GALNTL6: variants seen among roughly 807,000 people sequenced by gnomAD.
GALNTL6 encodes the protein polypeptide N-acetylgalactosaminyltransferase like 6.
Under a neutral mutation model 73.7 loss-of-function variants are expected in GALNTL6, and 46 were observed. The observed-to-expected ratio is 0.62, with a 90% confidence interval of 0.49 to 0.80. The LOEUF (loss-of-function observed/expected upper bound fraction) is 0.80, where lower values mean the gene tolerates loss of function less well. GALNTL6 is among the 30% of genes least tolerant of loss of function. The pLI, the probability that GALNTL6 is intolerant of heterozygous loss-of-function variation, is 0.00. For synonymous variants in GALNTL6, 259 were observed against 263.7 expected, an observed-to-expected ratio of 0.98 and a Z score of 0.17; for missense variants, 604 against 755.0, an observed-to-expected ratio of 0.80 and a Z score of 2.34.
chr4:172,658,166 A>AAAAAAAAAAAAAAAG (rs1439296482), intron 5 of GALNTL6, among the ~76,000 whole-genome samples: 1 of 120,382 alleles, frequency 8.3e-6, no homozygotes, highest in Non-Finnish European at 1.7e-5. Flanking sequence ...AAAAAAAAAA[A>AAAAAAAAAAAAAAAG]AAAGAAATAT....
chr4:172,428,321 G>T (rs562659849), intron 5 of GALNTL6, among the ~76,000 whole-genome samples: 46 of 152,202 alleles, frequency 3.0e-4, no homozygotes, highest in Middle Eastern at 3.4e-3. Flanking sequence ...AATAAAATCA[G>T]TATATCTGAA....
intron 9 of GALNTL6, among the ~76,000 whole-genome samples, chr4:172,942,490 A>C (rs1460530222): frequency 2.0e-5 from 3 of 152,142 alleles, no homozygotes; most frequent in Non-Finnish European, 1.5e-5. Flanking sequence ...TCTAGAAATA[A>C]GGTCGTACTT....
At chr4:172,225,780 G>A (rs28434609) in intron 2 of GALNTL6, among the ~76,000 whole-genome samples, 2,182 of 151,706 alleles carry the variant, frequency 0.014, 54 homozygotes, top group African/African-American at 0.05. Flanking sequence ...AAATAAATAA[G>A]TAAATAAATG....
chr4:172,489,738 A>G (rs1001411442), intron 5 of GALNTL6, among the ~76,000 whole-genome samples: 1 of 152,236 alleles, frequency 6.6e-6, no homozygotes, highest in Non-Finnish European at 1.5e-5. Context: ...TTGCTATTCA[A>G]CCAGGAATAT....
At chr4:172,654,195 C>G (rs1730855217) in intron 5 of GALNTL6, among the ~76,000 whole-genome samples, 1 of 152,134 alleles carries the variant, frequency 6.6e-6, no homozygotes, top group Non-Finnish European at 1.5e-5. Flanking sequence ...AAATATGATT[C>G]AAATTTTTAA....
intron 10 of GALNTL6, among the ~76,000 whole-genome samples, chr4:172,958,018 G>A (rs1253194680): frequency 1.3e-5 from 2 of 152,150 alleles, no homozygotes; most frequent in Non-Finnish European, 2.9e-5. Flanking sequence ...TGTGGTATCA[G>A]GAATAATGTA....
At chr4:172,579,283 T>A (rs148255436) in intron 5 of GALNTL6, among the ~76,000 whole-genome samples, 35 of 152,326 alleles carry the variant, frequency 2.3e-4, no homozygotes, top group Non-Finnish European at 4.1e-4. Flanking sequence ...ATAATCAAAA[T>A]TTTTTCAACG....
At chr4:172,224,138 C>A (rs1736774839) in intron 2 of GALNTL6, among the ~76,000 whole-genome samples, 1 of 152,112 alleles carries the variant, frequency 6.6e-6, no homozygotes, top group African/African-American at 2.4e-5. Context: ...ATGATGAAAA[C>A]AATTGGCATT....
intron 5 of GALNTL6, among the ~76,000 whole-genome samples, chr4:172,694,368 C>A (rs1456086030): frequency 1.3e-5 from 2 of 152,076 alleles, no homozygotes; most frequent in East Asian, 3.9e-4. Context: ...TTGTTCAACT[C>A]CCACTTATGA....
chr4:172,380,128 T>G (rs1743226004), intron 5 of GALNTL6: 1 of 1,025,780 alleles, frequency 9.7e-7, no homozygotes, highest in Admixed American at 1.7e-5. Flanking sequence ...CATTTGCTAA[T>G]GGATCATCTG....
intron 8 of GALNTL6, among the ~76,000 whole-genome samples, chr4:172,897,984 A>G (rs561808020): frequency 1.2e-4 from 19 of 152,336 alleles, no homozygotes; most frequent in African/African-American, 3.8e-4. Context: ...CTACTGTTCC[A>G]CTAACAAGTG....
At chr4:171,950,384 C>T (rs186326231) in intron 2 of GALNTL6, among the ~76,000 whole-genome samples, 1 of 151,904 alleles carries the variant, frequency 6.6e-6, no homozygotes, top group Non-Finnish European at 1.5e-5. Flanking sequence ...AAAACATCAA[C>T]CTTATAAATC....
intron 3 of GALNTL6, among the ~76,000 whole-genome samples, chr4:172,268,196 A>C (rs548642962): frequency 2.6e-5 from 4 of 152,342 alleles, no homozygotes; most frequent in African/African-American, 9.6e-5. Flanking sequence ...AAATATATCA[A>C]ATCCTACATT....
At chr4:172,871,942 C>T (rs1317436910) in intron 7 of GALNTL6, among the ~76,000 whole-genome samples, 4 of 151,966 alleles carry the variant, frequency 2.6e-5, no homozygotes, top group African/African-American at 4.8e-5. Flanking sequence ...TACAGGCATG[C>T]GCCACCATGC....
At chr4:172,021,068 G>T (rs1215420252) in intron 2 of GALNTL6, among the ~76,000 whole-genome samples, 2 of 152,006 alleles carry the variant, frequency 1.3e-5, no homozygotes, top group East Asian at 1.9e-4. Flanking sequence ...AATTTCAATT[G>T]ATGCTAAAAA....
At chr4:172,000,284 A>C (rs552211776) in intron 2 of GALNTL6, among the ~76,000 whole-genome samples, 1 of 152,262 alleles carries the variant, frequency 6.6e-6, no homozygotes, top group South Asian at 2.1e-4. Flanking sequence ...CTTGGTCAGA[A>C]TCTTCCTGCT....
chr4:171,911,222 C>T (rs966073554), intron 2 of GALNTL6, among the ~76,000 whole-genome samples: 1 of 152,176 alleles, frequency 6.6e-6, no homozygotes, highest in Non-Finnish European at 1.5e-5. Flanking sequence ...TGCATTGGCA[C>T]GATCCGGGCC....
chr4:172,855,978 G>A lies in GALNTL6; in HGVS notation c.924-26812G>A, dbSNP rs192339480. ...CAGGTCCAGGCTGCATTTTCCTCCCGGTTGTCCAGGCCAACGATCCACATT... is the reference window on the plus strand; with the variant it reads ...CAGGTCCAGGCTGCATTTTCCTCCCAGTTGTCCAGGCCAACGATCCACATT... On this transcript the variant is annotated intron_variant, in intron 7 of 12. Coordinates refer to ENST00000506823, the MANE Select transcript of GALNTL6 (RefSeq NM_001034845.3). Among the ~76,000 whole-genome samples the A allele has an allele frequency of 4.3e-4, 66 of 152,178 alleles. No individual in the cohort carries two copies. In the East Asian group the frequency reaches 4.6e-3, roughly 11 times the overall value.
At chr4:172,539,463 C>T (rs1735470810) in intron 5 of GALNTL6, among the ~76,000 whole-genome samples, 1 of 152,156 alleles carries the variant, frequency 6.6e-6, no homozygotes, top group African/African-American at 2.4e-5. Flanking sequence ...ACCTTTCCCT[C>T]CACTGAAGGG....
Sources: gnomAD v4.1 joint callset for allele counts (sites outside exome capture counted in the v4.1 genomes callset) on GRCh38, gnomAD v4.1.1 for gene constraint, MANE v1.5 for transcripts, NCBI Gene and HGNC (gene_info 2026-07-23, HGNC 2026-07-21) for gene names.